The following C6 variants were observed in gnomAD, a reference collection of about 807,000 sequenced individuals.
C6 encodes complement C6.
In C6, 101 loss-of-function variants were observed where a neutral mutation model predicts 112.9. The ratio of observed to expected loss-of-function variants is 0.89; its 90% CI spans 0.76 to 1.06. The LOEUF is 1.06. C6 is among the 50% of genes least tolerant of loss of function. The pLI is 0.00. For synonymous variants in C6, 431 were observed against 384.1 expected (o/e 1.12, Z -1.43); for missense variants, 1,202 against 1,104.6 (o/e 1.09, Z -1.25).
intron 1 of C6, among the ~76,000 whole-genome samples, chr5:41,204,659 C>CT (rs56809256): frequency 0.49 from 64,539 of 132,956 alleles, 16,829 homozygotes; most frequent in Non-Finnish European, 0.59. Context: ...AATCAGTAAG[C>CT]TTTTTTTTTT....
intron 2 of C6, among the ~76,000 whole-genome samples, chr5:41,202,242 T>C (rs756519616): frequency 6.6e-6 from 1 of 152,282 alleles, no homozygotes; most frequent in East Asian, 1.9e-4. Context: ...GGAAGCGACA[T>C]GTGCAAAGAT....
At chr5:41,189,799 C>T (rs1750059805) in intron 5 of C6, among the ~76,000 whole-genome samples, 1 of 151,982 alleles carries the variant, frequency 6.6e-6, no homozygotes, top group African/African-American at 2.4e-5. Flanking sequence ...CTCTTGTAAC[C>T]CTTATTCTAA....
intron 1 of C6, among the ~76,000 whole-genome samples, chr5:41,205,098 G>A (rs537027497): frequency 6.6e-6 from 1 of 152,260 alleles, no homozygotes; most frequent in South Asian, 2.1e-4. Context: ...CATTGAATGA[G>A]ACACAAAGAA....
At chr5:41,229,541 T>C (rs1050809905) in intron 1 of C6, among the ~76,000 whole-genome samples, 2 of 152,178 alleles carry the variant, frequency 1.3e-5, no homozygotes, top group African/African-American at 4.8e-5. Flanking sequence ...GAAAAGATGG[T>C]GCAATTTGAT....
intron 5 of C6, 55 bp from the exon 6 acceptor site, chr5:41,186,263 T>C (rs1749762151): frequency 2.5e-6 from 4 of 1,587,228 alleles, no homozygotes; most frequent in Non-Finnish European, 3.5e-6. Flanking sequence ...TCTTTAAAAT[T>C]TACCTTAGTT....
intron 1 of C6, chr5:41,203,859 G>A (rs1396169168): frequency 6.5e-6 from 1 of 154,812 alleles, no homozygotes; most frequent in Non-Finnish European, 1.4e-5. Context: ...GAGGCTGCAG[G>A]TCAAGTAGGA....
chr5:41,226,258 C>A (rs966236340), intron 1 of C6, among the ~76,000 whole-genome samples: 48 of 151,982 alleles, frequency 3.2e-4, no homozygotes, highest in African/African-American at 9.9e-4. Flanking sequence ...ATTTACAAGA[C>A]AAAAACAAAC....
In C6 at chr5:41,158,723, G is replaced by T. The variant is rs768853604; in HGVS notation, c.1919C>A (p.Ala640Glu). 1.2e-6 allele frequency: 2 copies of T among 1,611,590 alleles called. No homozygotes were observed. Among genetic ancestry groups the T allele is most frequent in the East Asian group, 4.5e-5 (2 of 44,836 alleles). ...AACTGGCTGAGGACACCCGGAATCTGCTTCTATCTCAGGAAGATCGACCTC... is the reference window on the plus strand; with the variant it reads ...AACTGGCTGAGGACACCCGGAATCTTCTTCTATCTCAGGAAGATCGACCTC... Reference protein sequence around the residue: ...MKEVDLPEIEADSGCPQPVPP... With the variant: ...MKEVDLPEIEEDSGCPQPVPP... Residue 640 changes from alanine to glutamate, a missense_variant, in exon 13 of 18, where the codon GCA becomes GAA. Coordinates refer to ENST00000337836, the MANE Select transcript of C6 (RefSeq NM_000065.5).
At chr5:41,245,287 T>C (rs1381501364) in intron 1 of C6, among the ~76,000 whole-genome samples, 2 of 152,138 alleles carry the variant, frequency 1.3e-5, no homozygotes, top group Non-Finnish European at 2.9e-5. Context: ...CCCAGCACTT[T>C]GGGAGGCCGA....
At chr5:41,200,855 G>A (rs1293771951) in intron 3 of C6, among the ~76,000 whole-genome samples, 1 of 144,796 alleles carries the variant, frequency 6.9e-6, no homozygotes, top group African/African-American at 2.6e-5. Context: ...TAAAATCTTG[G>A]ACTGAAACCC....
At chr5:41,257,180 C>A (rs1454453365) in intron 1 of C6, among the ~76,000 whole-genome samples, 1 of 152,094 alleles carries the variant, frequency 6.6e-6, no homozygotes, top group Non-Finnish European at 1.5e-5. Flanking sequence ...TCCCACCCTC[C>A]TTGCTCAAGT....
intron 16 of C6, 119 bp from the exon 17 acceptor site, chr5:41,149,601 C>T (rs933287677): frequency 2.3e-6 from 3 of 1,281,974 alleles, no homozygotes; most frequent in Non-Finnish European, 3.4e-6. Flanking sequence ...TTCCCCACCC[C>T]ACTCCAAGCC....
chr5:41,233,273 G>T (rs1561194701), intron 1 of C6, among the ~76,000 whole-genome samples: 1 of 152,036 alleles, frequency 6.6e-6, no homozygotes, highest in South Asian at 2.1e-4. Flanking sequence ...AAGTAAATGA[G>T]ACCACTGATC....
At position 41,147,697 on chromosome 5, in the gene C6, A is replaced by G. The variant is rs550049355; in HGVS notation, c.2623+1544T>C. Among the ~76,000 whole-genome samples, 2 of 152,318 alleles carry G rather than the reference A, an allele frequency of 1.3e-5. 1 individual carries two copies. Among genetic ancestry groups the G allele is most frequent in the African/African-American group, 4.8e-5 (2 of 41,568 alleles). ...CTCCAATTTAAGATAATTTTTTTGG[A>G]AAATGTTCCACAAAGGAAATATCTC... On this transcript the variant is annotated intron_variant, in intron 17 of 17. Transcript: ENST00000337836.
intron 1 of C6, among the ~76,000 whole-genome samples, chr5:41,222,440 T>C (rs1739233117): frequency 6.6e-6 from 1 of 152,046 alleles, no homozygotes; most frequent in South Asian, 2.1e-4. Flanking sequence ...ATTTTTTATT[T>C]TAATGTATAA....
chr5:41,215,210 G>A (rs182437067), upstream of C6, among the ~76,000 whole-genome samples: 7 of 152,122 alleles, frequency 4.6e-5, no homozygotes, highest in Non-Finnish European at 8.8e-5. Context: ...TGCTACAATG[G>A]TAGAGTTAAG....
chr5:41,211,117 T>C (rs530999585), intron 1 of C6, among the ~76,000 whole-genome samples: 6 of 152,094 alleles, frequency 3.9e-5, no homozygotes, highest in Non-Finnish European at 8.8e-5. Flanking sequence ...AACCATCATT[T>C]TGAGCAAACT....
intron 1 of C6, among the ~76,000 whole-genome samples, chr5:41,238,218 G>A (rs1041238745): frequency 1.5e-5 from 2 of 131,032 alleles, no homozygotes; most frequent in African/African-American, 2.9e-5. Context: ...CACAGAATTC[G>A]AAAAAACTAC....
intron 1 of C6, among the ~76,000 whole-genome samples, chr5:41,209,649 C>A (rs1751731592): frequency 6.6e-6 from 1 of 152,096 alleles, no homozygotes; most frequent in African/African-American, 2.4e-5. Flanking sequence ...CCTAGGAATC[C>A]AACTTACAAG....
Sources: gnomAD v4.1 joint callset for allele counts (sites outside exome capture counted in the v4.1 genomes callset) on GRCh38, gnomAD v4.1.1 for gene constraint, MANE v1.5 for transcripts, NCBI Gene and HGNC (gene_info 2026-07-23, HGNC 2026-07-21) for gene names.